E2F4: variants seen among roughly 807,000 people sequenced by gnomAD.
E2F4 encodes the protein E2F transcription factor 4.
In E2F4, 16 loss-of-function variants were observed where a neutral mutation model predicts 44.5. That is an observed-to-expected ratio of 0.36 (90% confidence interval 0.24 to 0.55). The LOEUF is 0.55. Ranked by LOEUF, E2F4 falls within the 20% of genes least tolerant of loss-of-function variation. The probability of loss-of-function intolerance (pLI) is 0.87; values close to 1 mark genes in which losing one functional copy is unlikely to be tolerated. For synonymous variants in E2F4, 242 were observed against 207.2 expected (o/e 1.17, Z -1.44); for missense variants, 473 against 522.1 (o/e 0.91, Z 0.92).
At position 67,198,291 on chromosome 16, in the gene E2F4, C is replaced by A; in HGVS notation, c.*168C>A. On this transcript the variant is annotated 3_prime_UTR_variant, in exon 10 of 10. Transcript: ENST00000379378. The stretch of plus-strand genomic sequence containing the variant: ...GCCACAGCTCCCGCTCCTGTGCTGG[C>A]ACTTCTGTGCTCGCAGAGCAGGGGA... 1 of 624,486 alleles carries A rather than the reference C, an allele frequency of 1.6e-6. No homozygotes were observed. The highest frequency in any genetic ancestry group is 1.8e-5 in the African/African-American group (1 of 54,628). 38.7% of individuals were successfully genotyped at this position (624,486 alleles called of 1,614,324 possible).
chr16:67,194,644 T>G lies in E2F4; in HGVS notation c.514-42T>G, dbSNP rs1418257857. On this transcript the variant is annotated intron_variant, in intron 5 of 9. Transcript: ENST00000379378. Reference sequence around the variant, plus strand: ...GAGTCGGGCAGGAGCCAAGCCTGCTTACAATTCTACCCATCTCCCATCCCT... The same window carrying G: ...GAGTCGGGCAGGAGCCAAGCCTGCTGACAATTCTACCCATCTCCCATCCCT... The G allele has an allele frequency of 5.0e-6, 8 of 1,596,672 alleles. No homozygotes were observed. The Admixed American group carries it at 1.3e-4, about 27-fold the overall frequency.
At chr16:67,195,663 A>G in intron 6 of E2F4, 119 bp from the exon 7 acceptor site, 1 of 1,528,360 alleles carries the variant, frequency 6.5e-7, no homozygotes, top group South Asian at 1.2e-5. Flanking sequence ...GGCAATGCCT[A>G]ATTCTCCTTG....
chr16:67,197,948 G>T, intron 9 of E2F4, 37 bp downstream of exon 9: 1 of 1,614,184 alleles, frequency 6.2e-7, no homozygotes, highest in African/African-American at 1.3e-5. Context: ...GGTGTGGGCA[G>T]GGGTTGGGCT....
intron 7 of E2F4, 141 bp downstream of exon 7, chr16:67,196,147 C>T (rs2032966477): frequency 1.5e-6 from 2 of 1,290,464 alleles, no homozygotes; most frequent in Non-Finnish European, 1.1e-6. Flanking sequence ...ACCTCTGGGT[C>T]AGTGCTGGTG....
Position 67,194,588 on chromosome 16 carries a change from G to A in E2F4, c.514-98G>A. ...GGTTATCTAGGAGGATGGGCATCCT[G>A]GGTGGGAGAGGACACTGTGGTCCTG... On this transcript the variant is annotated intron_variant, in intron 5 of 9. Transcript: ENST00000379378. 6.4e-7 allele frequency: 1 copy of A among 1,565,316 alleles called. No individual in the cohort carries two copies. The highest frequency in any genetic ancestry group is 1.2e-5 in the South Asian group (1 of 86,504).
chr16:67,192,181 C>G lies in E2F4; in HGVS notation c.-47C>G, dbSNP rs566908262. On this transcript the variant is annotated 5_prime_UTR_variant, in exon 1 of 10. Transcript: ENST00000379378. ...GGAACGGAAGCGGAAGTGGCGGCGG[C>G]GCCGGCCTGGCCTGGCCTGGCTGAG... 5.0e-6 allele frequency: 6 copies of G among 1,194,718 alleles called. No individual in the cohort carries two copies. The highest frequency in any genetic ancestry group is 6.2e-6 in the Non-Finnish European group (6 of 963,278). The allele number at this position is 1,194,718 out of a possible 1,614,324, so 74.0% of individuals were successfully genotyped here.
chr16:67,195,992 C>G lies in E2F4; in HGVS notation c.1019C>G (p.Ala340Gly), dbSNP rs1453991760. 6.2e-7 allele frequency: 1 copy of G among 1,614,062 alleles called. No individual in the cohort carries two copies. The highest frequency in any genetic ancestry group is 1.3e-5 in the African/African-American group (1 of 74,930). The change falls in exon 7 of 10, where the codon GCA (alanine) becomes GGA (glycine). Residue 340 changes from alanine to glycine, a missense_variant. Transcript: ENST00000379378. ...TCTACCTCCTTTGAGCCCATCAAGG[C>G]AGACCCCACAGGTGGTGAGTACCTG... ...NPSTSFEPIK[A>G]DPTGVLELPK...
intron 6 of E2F4, 65 bp from the exon 7 acceptor site, chr16:67,195,717 G>A (rs1475266089): frequency 6.2e-7 from 1 of 1,602,140 alleles, no homozygotes; most frequent in Non-Finnish European, 8.5e-7. Context: ...CTGGGTTCCA[G>A]CACAGCCAGT....
intron 1 of E2F4, 77 bp downstream of exon 1, chr16:67,192,439 C>A (rs1003918281): frequency 7.2e-7 from 1 of 1,391,114 alleles, no homozygotes; most frequent in African/African-American, 1.5e-5. Context: ...CCGGGGGCGG[C>A]CCAGCTGGGT....
rs578206454 is a variant in E2F4 at position 67,194,153 on chromosome 16, A to G, written c.452-245A>G. On this transcript the variant is annotated intron_variant, in intron 4 of 9. Coordinates refer to ENST00000379378, the MANE Select transcript of E2F4 (RefSeq NM_001950.4). ...CTAGGGATCAGCCATCGGTAGAGGA[A>G]TGAGGTGCCTGTGGCCAGTGATCTT... 18 of 522,734 alleles carry G rather than the reference A, an allele frequency of 3.4e-5. No homozygotes were observed. The African/African-American group carries it at 3.5e-4, about 10-fold the overall frequency. 32.4% of individuals were successfully genotyped at this position (522,734 alleles called of 1,614,324 possible).
chr16:67,195,090 T>A, intron 6 of E2F4, 110 bp downstream of exon 6: 1 of 1,367,668 alleles, frequency 7.3e-7, no homozygotes. Flanking sequence ...ATTGTCCTTT[T>A]CCTGACCACC....
chr16:67,195,755 G>T, intron 6 of E2F4, 27 bp from the exon 7 acceptor site: 1 of 1,613,564 alleles, frequency 6.2e-7, no homozygotes, highest in South Asian at 1.1e-5. Flanking sequence ...GACCTTGTAT[G>T]ACTGGGTTTG....
Position 67,193,147 on chromosome 16 carries a change from C to G in E2F4, c.384C>G (p.Val128=). 6.4e-7 allele frequency: 1 copy of G among 1,572,784 alleles called. No homozygotes were observed. The highest frequency in any genetic ancestry group is 8.6e-7 in the Non-Finnish European group (1 of 1,158,818). Residue 128 remains valine (V), a synonymous_variant, in exon 3 of 10, where the codon GTC becomes GTG. Transcript: ENST00000379378. ...GGGTGCAGCAGAGCATCCGGAACGT[C>G]ACAGAGGACGTGCAGAACAGCTGAT... The part of the protein sequence containing the change: ...KVWVQQSIRN[V]TEDVQNSCLA...
In E2F4 at chr16:67,198,305, C is replaced by T; in HGVS notation, c.*182C>T. The T allele has an allele frequency of 1.6e-6, 1 of 608,264 alleles. No homozygotes were observed. Among genetic ancestry groups the T allele is most frequent in the Non-Finnish European group, 2.9e-6 (1 of 341,188 alleles). 37.7% of individuals were successfully genotyped at this position (608,264 alleles called of 1,614,324 possible). A position where few individuals can be genotyped will look rare whatever the true frequency, so the allele number is the denominator to read the frequency against. ...TCCTGTGCTGGCACTTCTGTGCTCG[C>T]AGAGCAGGGGAACAGGACTCAGCCC... is the stretch of plus-strand genomic sequence containing the variant. On this transcript the variant is annotated 3_prime_UTR_variant, in exon 10 of 10. Coordinates refer to ENST00000379378, the MANE Select transcript of E2F4 (RefSeq NM_001950.4).
intron 1 of E2F4, 185 bp downstream of exon 1, chr16:67,192,547 C>T: frequency 9.5e-7 from 1 of 1,055,306 alleles, no homozygotes; most frequent in Non-Finnish European, 1.3e-6. Context: ...CAGCTATGGG[C>T]CAGGCTCGGG....
intron 8 of E2F4, 62 bp from the exon 9 acceptor site, chr16:67,197,805 G>T: frequency 6.2e-7 from 1 of 1,612,096 alleles, no homozygotes; most frequent in Admixed American, 1.7e-5. Flanking sequence ...CCCTTTCCTG[G>T]GCTTTGGTGG....
intron 1 of E2F4, 134 bp downstream of exon 1, chr16:67,192,496 C>A: frequency 1.6e-6 from 2 of 1,264,092 alleles, no homozygotes; most frequent in Non-Finnish European, 2.1e-6. Context: ...AGGAGAGAAG[C>A]CGGGGGATGT....
chr16:67,197,613 A>G lies in E2F4; in HGVS notation c.1048A>G (p.Lys350Glu), dbSNP rs375666198. Residue 350 changes from lysine (K) to glutamate (E), a missense_variant, in exon 8 of 10, where the codon AAA (lysine) becomes GAA (glutamate). Lys to Glu is a moderately conservative substitution (Grantham distance 56, BLOSUM62 1). This residue lies in a region of E2F4 where 314 missense variants were observed against 315.6 expected (regional missense o/e 0.99). Transcript: ENST00000379378. ...TTGTTTTTCAGTTTTGGAACTCCCC[A>G]AAGAGCTGTCAGAAATCTTTGATCC... ...ADPTGVLELP[K>E]ELSEIFDPTR... The G allele has an allele frequency of 2.0e-5, 33 of 1,614,022 alleles. No individual in the cohort carries two copies. Among genetic ancestry groups the G allele is most frequent in the African/African-American group, 2.7e-5 (2 of 74,904 alleles).
Position 67,198,439 on chromosome 16 carries a change from A to C in E2F4, c.*316A>C. 2.6e-5 allele frequency: 9 copies of C among 347,318 alleles called. No individual in the cohort carries two copies. The highest frequency in any genetic ancestry group is 3.3e-5 in the Non-Finnish European group (6 of 183,158). 21.5% of individuals were successfully genotyped at this position (347,318 alleles called of 1,614,324 possible). On this transcript the variant is annotated 3_prime_UTR_variant, in exon 10 of 10. Coordinates refer to ENST00000379378, the MANE Select transcript of E2F4 (RefSeq NM_001950.4). ...AACCGAGGAGCTGCCATTACCCCCC[A>C]TAGGGGGCAGTGTCTTGTTCCTGCC...
Sources: allele counts gnomAD v4.1 joint callset, GRCh38; gene constraint gnomAD v4.1.1; regional missense constraint gnomAD v4.1.1; transcripts MANE v1.5; gene names NCBI Gene and HGNC (gene_info 2026-07-23, HGNC 2026-07-21).